Variants in MEIS1 observed in about 807,000 individuals in gnomAD.
MEIS1 encodes Meis homeobox 1.
In MEIS1, 5 loss-of-function variants were observed where a neutral mutation model predicts 50.8. The observed-to-expected ratio is 0.10, with a 90% confidence interval of 0.05 to 0.21. The LOEUF (loss-of-function observed/expected upper bound fraction) is 0.21. Among genes scored for constraint, MEIS1 ranks in the 10% least tolerant of loss-of-function variants. The pLI, the probability that MEIS1 is intolerant of heterozygous loss-of-function variation, is 1.00. For synonymous variants in MEIS1, 176 were observed against 179.3 expected (o/e 0.98, Z 0.15); for missense variants, 318 against 517.3 (o/e 0.61, Z 3.74).
At chr2:66,555,090 A>T (rs534285295) in intron 9 of MEIS1, among the ~76,000 whole-genome samples, 16 of 152,210 alleles carry the variant, frequency 1.1e-4, no homozygotes, top group Middle Eastern at 3.2e-3. Context: ...AATTTTGAAC[A>T]TGACAAACTT....
At chr2:66,468,624 C>A (rs1372732352) in intron 7 of MEIS1, among the ~76,000 whole-genome samples, 2 of 152,138 alleles carry the variant, frequency 1.3e-5, no homozygotes, top group Non-Finnish European at 2.9e-5. Context: ...AGAGCCCAAG[C>A]TCCTAACTAT....
chr2:66,499,300 A>G (rs182071513), intron 7 of MEIS1, among the ~76,000 whole-genome samples: 36 of 152,302 alleles, frequency 2.4e-4, no homozygotes, highest in Non-Finnish European at 4.1e-4. Flanking sequence ...TTGCTAATCT[A>G]CATTTCACAA....
intron 7 of MEIS1, among the ~76,000 whole-genome samples, chr2:66,475,220 A>ATATTTATAAAAATATTTATAAATATGT (rs1553373625): frequency 2.7e-4 from 32 of 118,792 alleles, no homozygotes; most frequent in Non-Finnish European, 1.6e-5. Flanking sequence ...ATAAATATGT[A>ATATTTATAAAAATATTTATAAATATGT]TATTTATAAA....
At chr2:66,496,423 G>A (rs1271566402) in intron 7 of MEIS1, among the ~76,000 whole-genome samples, 6 of 151,996 alleles carry the variant, frequency 3.9e-5, no homozygotes, top group South Asian at 2.1e-4. Flanking sequence ...TTCTCTGGTC[G>A]AGCAGCCTGA....
At chr2:66,567,714 A>T in intron 10 of MEIS1, 1 of 671,210 alleles carries the variant, frequency 1.5e-6, no homozygotes, top group Non-Finnish European at 2.7e-6. Context: ...GGAAAAAAAA[A>T]GCCAACAGAG....
chr2:66,536,154 C>G (rs572531075), intron 8 of MEIS1, among the ~76,000 whole-genome samples: 1 of 152,252 alleles, frequency 6.6e-6, no homozygotes, highest in East Asian at 1.9e-4. Context: ...GGAGTGATGT[C>G]TAGATAACAC....
Position 66,437,749 on chromosome 2 carries a change from C to A in MEIS1, c.25C>A (p.Pro9Thr). 1 of 1,613,896 alleles carries A rather than the reference C, an allele frequency of 6.2e-7. No homozygotes were observed. The highest frequency in any genetic ancestry group is 1.1e-5 in the South Asian group (1 of 91,056). MAQRYDDLPHYGGMDGVGI... is the reference protein window; with the variant it reads MAQRYDDLTHYGGMDGVGI... ...GTTTGTCATGCAGTACGACGATCTACCCCATTACGGGGGCATGGATGGAGT... is the reference window on the plus strand; with the variant it reads ...GTTTGTCATGCAGTACGACGATCTAACCCATTACGGGGGCATGGATGGAGT... Residue 9 changes from proline (P) to threonine (T), a missense_variant, in exon 2 of 13, where the codon CCC (proline) becomes ACC (threonine). Pro to Thr is a conservative substitution (Grantham distance 38). Transcript: ENST00000272369.
intron 9 of MEIS1, among the ~76,000 whole-genome samples, 156 bp from the exon 10 acceptor site, chr2:66,567,297 G>C (rs1675372113): frequency 1.3e-5 from 2 of 152,164 alleles, no homozygotes. Flanking sequence ...AGGTTTTCCA[G>C]CACGTGAGGC....
chr2:66,473,397 A>AAAAAAAAAAAAATATATAT, intron 7 of MEIS1, among the ~76,000 whole-genome samples: 4 of 107,596 alleles, frequency 3.7e-5, no homozygotes, highest in South Asian at 5.4e-4. Context: ...AAAAAAAAAA[A>AAAAAAAAAAAAATATATAT]ATATATATAT....
At chr2:66,547,798 A>T in intron 8 of MEIS1, 145 bp from the exon 9 acceptor site, 1 of 694,834 alleles carries the variant, frequency 1.4e-6, no homozygotes, top group Non-Finnish European at 2.5e-6. Flanking sequence ...TACTGCCATT[A>T]ATTAGATGAT....
At chr2:66,447,333 A>G (rs764001408) in intron 6 of MEIS1, among the ~76,000 whole-genome samples, 22 of 152,204 alleles carry the variant, frequency 1.4e-4, no homozygotes, top group Admixed American at 3.9e-4. Flanking sequence ...TAATGCCTTA[A>G]TCCTGAAACC....
At chr2:66,565,913 A>ATT (rs552269620) in intron 9 of MEIS1, among the ~76,000 whole-genome samples, 4 of 151,960 alleles carry the variant, frequency 2.6e-5, no homozygotes, top group African/African-American at 9.7e-5. Context: ...GAAAAAACAG[A>ATT]TTTTTTTTCA....
At chr2:66,461,486 A>G (rs2103738126) in intron 6 of MEIS1, among the ~76,000 whole-genome samples, 1 of 152,316 alleles carries the variant, frequency 6.6e-6, no homozygotes, top group African/African-American at 2.4e-5. Context: ...CTTAAATGCT[A>G]ATACACAAAA....
chr2:66,498,144 G>T (rs898176878), intron 7 of MEIS1, among the ~76,000 whole-genome samples: 5 of 152,128 alleles, frequency 3.3e-5, no homozygotes, highest in African/African-American at 1.2e-4. Flanking sequence ...TTGAGTGGGG[G>T]ATTCAGATTA....
At chr2:66,548,809 A>C (rs1368085412) in intron 9 of MEIS1, among the ~76,000 whole-genome samples, 1 of 152,172 alleles carries the variant, frequency 6.6e-6, no homozygotes, top group African/African-American at 2.4e-5. Flanking sequence ...TAATTGTCCT[A>C]ATATTTTTAG....
At chr2:66,477,142 C>T (rs987976209) in intron 7 of MEIS1, among the ~76,000 whole-genome samples, 6 of 151,866 alleles carry the variant, frequency 4.0e-5, no homozygotes, top group East Asian at 3.9e-4. Flanking sequence ...AGGGTTGTGG[C>T]GTGGTTGGAT....
chr2:66,439,143 T>C, intron 2 of MEIS1: 1 of 251,052 alleles, frequency 4.0e-6, no homozygotes, highest in Non-Finnish European at 6.2e-6. Context: ...CTCGCAATAC[T>C]AGCTGCTTTG....
rs762919433 is a variant in MEIS1 at position 66,571,259 on chromosome 2, G to T, written c.*51G>T. 17 of 1,590,340 alleles carry T rather than the reference G, an allele frequency of 1.1e-5. No homozygotes were observed. The South Asian group carries it at 1.7e-4, about 16-fold the overall frequency. On this transcript the variant is annotated 3_prime_UTR_variant, in exon 13 of 13. Transcript: ENST00000272369. ...AATTTCTTACAGGGCTGCAAAGTAT[G>T]CCAGGGGAGTATGTAGCCCGGGGTG... is the stretch of plus-strand genomic sequence containing the variant.
At chr2:66,539,242 A>G (rs1674591710) in intron 8 of MEIS1, among the ~76,000 whole-genome samples, 1 of 152,204 alleles carries the variant, frequency 6.6e-6, no homozygotes. Flanking sequence ...TGCTACAAGC[A>G]TTAATAAAGT....
Sources: allele counts gnomAD v4.1 joint callset (sites outside exome capture counted in the v4.1 genomes callset), GRCh38; gene constraint gnomAD v4.1.1; transcripts MANE v1.5; gene names NCBI Gene and HGNC (gene_info 2026-07-23, HGNC 2026-07-21).